ORC4: variants seen among roughly 807,000 people sequenced by gnomAD.
ORC4 encodes the protein origin recognition complex subunit 4.
A neutral mutation model predicts 63.9 loss-of-function variants in ORC4; 55 were observed. The ratio of observed to expected loss-of-function variants is 0.86; its 90% CI spans 0.69 to 1.08. The LOEUF (loss-of-function observed/expected upper bound fraction) is 1.08, where lower values mean the gene tolerates loss of function less well. Among genes scored for constraint, ORC4 ranks in the 50% least tolerant of loss-of-function variants. The pLI is 0.00. For missense variants in ORC4, 511 were observed against 504.4 expected (o/e 1.01, Z -0.13); for synonymous variants, 150 against 168.5 (o/e 0.89, Z 0.85).
chr2:147,989,564 G>T (rs1241562879), intron 1 of ORC4, among the ~76,000 whole-genome samples: 1 of 152,052 alleles, frequency 6.6e-6, no homozygotes, highest in African/African-American at 2.4e-5. Context: ...AAATTAGCCA[G>T]GTGTGGTGGC....
intron 1 of ORC4, among the ~76,000 whole-genome samples, chr2:148,008,744 G>A (rs1296148050): frequency 6.6e-6 from 1 of 152,150 alleles, no homozygotes; most frequent in Non-Finnish European, 1.5e-5. Flanking sequence ...GCCAATAGGG[G>A]AACGACAGAG....
At chr2:147,953,832 T>A (rs1215521851) in intron 7 of ORC4, among the ~76,000 whole-genome samples, 2 of 152,124 alleles carry the variant, frequency 1.3e-5, no homozygotes, top group East Asian at 3.8e-4. Context: ...AAGAAAGACT[T>A]ATTTCAACAA....
intron 1 of ORC4, among the ~76,000 whole-genome samples, chr2:148,017,385 G>C (rs1463897981): frequency 6.6e-6 from 1 of 152,186 alleles, no homozygotes; most frequent in Non-Finnish European, 1.5e-5. Flanking sequence ...ATAATTTGCA[G>C]CTAATGCCGG....
intron 4 of ORC4, among the ~76,000 whole-genome samples, chr2:147,967,755 TATCA>T (rs1689980104): frequency 6.7e-6 from 1 of 150,326 alleles, no homozygotes; most frequent in Non-Finnish European, 1.5e-5. Context: ...ATGATATTCC[TATCA>T]TAACACTAAT....
intron 7 of ORC4, among the ~76,000 whole-genome samples, chr2:147,952,753 G>A (rs1482408461): frequency 5.3e-5 from 8 of 152,076 alleles, no homozygotes; most frequent in South Asian, 2.1e-4. Context: ...TAGGCTGGGC[G>A]TGGTGGCTCA....
At position 147,970,975 on chromosome 2, in the gene ORC4, T is replaced by TA. The variant is rs561075688; in HGVS notation, c.225+1763dup. ...GGGAGACCTCGTCTCTACACAAAATTAAAAAAAAAAAATTAGCCAGGTGTG... is the reference window on the plus strand; with the variant it reads ...GGGAGACCTCGTCTCTACACAAAATTAAAAAAAAAAAAATTAGCCAGGTGTG... On this transcript the variant is annotated intron_variant, in intron 4 of 13. Coordinates refer to ENST00000392857, the MANE Select transcript of ORC4 (RefSeq NM_181741.4). Among the ~76,000 whole-genome samples, 1,252 of 144,996 alleles carry TA rather than the reference T, an allele frequency of 8.6e-3. 10 individuals carry two copies. The highest frequency in any genetic ancestry group is 0.033 in the South Asian group (154 of 4,610).
chr2:147,997,391 C>T (rs1016773740), intron 1 of ORC4, among the ~76,000 whole-genome samples: 1 of 151,960 alleles, frequency 6.6e-6, no homozygotes, highest in Admixed American at 6.6e-5. Context: ...ATATGTTTGT[C>T]GTTTTTAAAG....
chr2:147,988,557 C>T (rs1397424884), intron 1 of ORC4, among the ~76,000 whole-genome samples: 1 of 151,888 alleles, frequency 6.6e-6, no homozygotes, highest in African/African-American at 2.4e-5. Context: ...GGGGGTTTCA[C>T]CATGTTGGCC....
chr2:148,003,049 A>G (rs1049683768), intron 1 of ORC4, among the ~76,000 whole-genome samples: 61 of 152,342 alleles, frequency 4.0e-4, no homozygotes, highest in African/African-American at 1.4e-3. Flanking sequence ...CACCATCCCA[A>G]GACTAAACCA....
intron 4 of ORC4, chr2:147,960,513 G>C (rs1395729150): frequency 4.3e-6 from 1 of 233,814 alleles, no homozygotes; most frequent in African/African-American, 2.3e-5. Context: ...ACCAAATTTG[G>C]TCATCTCCTT....
At chr2:148,001,679 C>A (rs987801737) in intron 1 of ORC4, among the ~76,000 whole-genome samples, 2 of 152,080 alleles carry the variant, frequency 1.3e-5, no homozygotes, top group African/African-American at 4.8e-5. Flanking sequence ...AGACCATTGA[C>A]ACTATGAAGA....
At position 147,955,366 on chromosome 2, in the gene ORC4, A is replaced by G; in HGVS notation, c.417T>C (p.Leu139=). 6.2e-7 allele frequency: 1 copy of G among 1,604,144 alleles called. No homozygotes were observed. Among genetic ancestry groups the G allele is most frequent in the Non-Finnish European group, 8.5e-7 (1 of 1,172,250 alleles). The change falls in exon 7 of 14, where the codon CTT becomes CTC. Residue 139 remains leucine (L), a synonymous_variant. Transcript: ENST00000392857. ...FGSFAENLSF[L]LEALKKGDRT... is the part of the protein sequence containing the mutation. Reference sequence around the variant, plus strand: ...ATTTACCTTTTTTTAAAGCTTCCAGAAGAAATGAAAGGTTTTCAGCAAAGC... The same window carrying G: ...ATTTACCTTTTTTTAAAGCTTCCAGGAGAAATGAAAGGTTTTCAGCAAAGC...
intron 8 of ORC4, 43 bp downstream of exon 8, chr2:147,952,330 T>C: frequency 7.1e-7 from 1 of 1,405,188 alleles, no homozygotes; most frequent in Non-Finnish European, 9.9e-7. Flanking sequence ...GCTTGAATTT[T>C]AAAATATTAT....
chr2:148,011,396 CA>C (rs1445065656), intron 1 of ORC4, among the ~76,000 whole-genome samples: 3 of 151,956 alleles, frequency 2.0e-5, no homozygotes, highest in Admixed American at 1.3e-4. Context: ...CAATAGATGC[CA>C]AAAAAATCTT....
At chr2:147,955,515 C>G in intron 6 of ORC4, 120 bp from the exon 7 acceptor site, 1 of 710,462 alleles carries the variant, frequency 1.4e-6, no homozygotes, top group Non-Finnish European at 2.5e-6. Context: ...AGAGTCATTG[C>G]CCAGACTCTG....
chr2:147,989,028 T>C (rs987076426), intron 1 of ORC4, among the ~76,000 whole-genome samples: 2 of 152,184 alleles, frequency 1.3e-5, no homozygotes, highest in African/African-American at 2.4e-5. Flanking sequence ...AAGTTTTATA[T>C]GTGTTGACCT....
At chr2:147,994,937 T>A (rs1558869087) in intron 1 of ORC4, among the ~76,000 whole-genome samples, 2 of 152,320 alleles carry the variant, frequency 1.3e-5, no homozygotes, top group East Asian at 3.9e-4. Flanking sequence ...TGAAGCCAGC[T>A]GGACTTCCTG....
rs1558822486 is a variant in ORC4, at chr2:147,932,530, G to C, written c.*2980C>G. 1 of 152,166 alleles carries C rather than the reference G, an allele frequency of 6.6e-6. No individual in the cohort carries two copies. The highest frequency in any genetic ancestry group is 2.4e-5 in the African/African-American group (1 of 41,440). 9.4% of individuals were successfully genotyped at this position (152,166 alleles called of 1,614,324 possible). A position where few individuals can be genotyped will look rare whatever the true frequency, so the allele number is the denominator to read the frequency against. On this transcript the variant is annotated 3_prime_UTR_variant, in exon 14 of 14. Coordinates refer to ENST00000392857, the MANE Select transcript of ORC4 (RefSeq NM_181741.4). Reference sequence around the variant, plus strand: ...AAGCTATGTGTTCTTAAAGAGGGGAGTGGTAGCTTTGTAACTTACAGTGAG... The same window carrying C: ...AAGCTATGTGTTCTTAAAGAGGGGACTGGTAGCTTTGTAACTTACAGTGAG...
chr2:148,012,327 G>T (rs1047051164), intron 1 of ORC4, among the ~76,000 whole-genome samples: 7 of 152,108 alleles, frequency 4.6e-5, no homozygotes, highest in African/African-American at 1.7e-4. Context: ...TTTTTACTAA[G>T]GTGCCAAAAA....
Sources: gnomAD v4.1 joint callset for allele counts (sites outside exome capture counted in the v4.1 genomes callset) on GRCh38, gnomAD v4.1.1 for gene constraint, MANE v1.5 for transcripts, NCBI Gene and HGNC (gene_info 2026-07-23, HGNC 2026-07-21) for gene names.